The following PCDHGB5 variants were observed in gnomAD, a reference collection of about 807,000 sequenced individuals.
PCDHGB5 encodes the protein protocadherin gamma subfamily B, 5.
Under a neutral mutation model 62.9 loss-of-function variants are expected in PCDHGB5, and 48 were observed. That is an observed-to-expected ratio of 0.76 (90% confidence interval 0.61 to 0.97). The LOEUF (loss-of-function observed/expected upper bound fraction) is 0.97, where lower values mean the gene tolerates loss of function less well. PCDHGB5 is among the 50% of genes least tolerant of loss of function. The pLI is 0.00. For synonymous variants in PCDHGB5, 474 were observed against 511.2 expected (o/e 0.93, Z 0.98); for missense variants, 1,118 against 1,198.6 (o/e 0.93, Z 0.99).
At chr5:141,417,892 C>T (rs550343206) in intron 1 of PCDHGB5, 13 of 1,570,660 alleles carry the variant, frequency 8.3e-6, no homozygotes, top group African/African-American at 5.4e-5. Flanking sequence ...GGCGCCGGGC[C>T]GGCCCGCGGC....
intron 1 of PCDHGB5, among the ~76,000 whole-genome samples, chr5:141,406,577 A>T (rs558329088): frequency 6.6e-6 from 1 of 152,274 alleles, no homozygotes; most frequent in South Asian, 2.1e-4. Context: ...TAGTAAACCA[A>T]TTTTTTCCCT....
chr5:141,421,050 T>TACCACACAA, intron 1 of PCDHGB5: 1 of 561,278 alleles, frequency 1.8e-6, no homozygotes, highest in Non-Finnish European at 3.1e-6. Flanking sequence ...CCCCCGCCTC[T>TACCACACAA]ACCACACAAA....
intron 1 of PCDHGB5, chr5:141,426,679 T>A (rs1008777231): frequency 9.3e-6 from 4 of 431,308 alleles, no homozygotes; most frequent in African/African-American, 2.0e-5. Context: ...CCACCTCATT[T>A]TCCCCAAAAT....
At chr5:141,417,993 C>A in intron 1 of PCDHGB5, 1 of 1,613,830 alleles carries the variant, frequency 6.2e-7, no homozygotes, top group Non-Finnish European at 8.5e-7. Flanking sequence ...GCCAAGGGCT[C>A]GGTGGTGGGG....
chr5:141,423,141 G>C, intron 1 of PCDHGB5: 1 of 1,613,580 alleles, frequency 6.2e-7, no homozygotes, highest in Non-Finnish European at 8.5e-7. Flanking sequence ...ACAGAGACGC[G>C]CTCAAGCAGA....
intron 1 of PCDHGB5, among the ~76,000 whole-genome samples, chr5:141,437,987 C>T (rs2097922147): frequency 1.3e-5 from 2 of 152,156 alleles, no homozygotes; most frequent in African/African-American, 2.4e-5. Flanking sequence ...GCACCCACCC[C>T]ACCTCAGCCT....
rs756084003 is a variant in PCDHGB5 at position 141,398,612 on chromosome 5, T to C, written c.485T>C (p.Ile162Thr). The C allele has an allele frequency of 2.5e-6, 4 of 1,614,024 alleles. No homozygotes were observed. Among genetic ancestry groups the C allele is most frequent in the East Asian group, 2.2e-5 (1 of 44,888 alleles). ...CTAGAAGTAGCAGAAGATGCAGATA[T>C]TGGCTTAAACTCTCTGCAGAAGTAT... ...FILEVAEDADIGLNSLQKYKL... is the reference protein window; with the variant it reads ...FILEVAEDADTGLNSLQKYKL... Residue 162 changes from isoleucine (I) to threonine (T), a missense_variant, in exon 1 of 4, where the codon ATT becomes ACT. Around this residue, in one of 2 missense-constraint regions of PCDHGB5, gnomAD observed 1,034 missense variants for 1,029.1 expected, o/e 1.00. Transcript: ENST00000617380.
chr5:141,508,824 G>A (rs893436748), intron 3 of PCDHGB5, among the ~76,000 whole-genome samples: 9 of 151,952 alleles, frequency 5.9e-5, no homozygotes, highest in Admixed American at 3.3e-4. Flanking sequence ...CCAGATCTGG[G>A]CCCCCCTCCC....
intron 1 of PCDHGB5, among the ~76,000 whole-genome samples, chr5:141,402,286 C>T (rs2094248272): frequency 6.6e-6 from 1 of 151,638 alleles, no homozygotes; most frequent in Non-Finnish European, 1.5e-5. Flanking sequence ...ATAATCTATC[C>T]TTATATATGT....
At chr5:141,413,329 A>G (rs762420040) in intron 1 of PCDHGB5, 1 of 1,613,966 alleles carries the variant, frequency 6.2e-7, no homozygotes, top group Non-Finnish European at 8.5e-7. Context: ...CGTGGGCAAC[A>G]TCTCCAAGGA....
chr5:141,487,312 TAA>T lies in PCDHGB5; in HGVS notation c.2398-7494_2398-7493del, dbSNP rs1464336630. ...TTGGCTCATTCGTGGCACTACTCTC[TAA>T]GTGTCTTCGTGGGGCAGCCTGTGGA... On this transcript the variant is annotated intron_variant, in intron 1 of 3. Transcript: ENST00000617380. The surrounding 1 kb of genome is among the most constrained non-coding windows in gnomAD (Gnocchi z 5.0). 1 of 1,614,158 alleles carries T rather than the reference TAA, an allele frequency of 6.2e-7. No homozygotes were observed. Among genetic ancestry groups the T allele is most frequent in the African/African-American group, 1.3e-5 (1 of 75,056 alleles).
Position 141,423,758 on chromosome 5 carries a change from GGGT to G in PCDHGB5, c.2397+23237_2397+23239del, listed in dbSNP as rs776356896. The G allele has an allele frequency of 7.0e-4, 256 of 366,834 alleles. 2 individuals are homozygous for G. The highest frequency in any genetic ancestry group is 6.8e-3 in the African/African-American group (232 of 34,230). The allele number at this position is 366,834 out of a possible 1,614,324, so 22.7% of individuals were successfully genotyped here. A position where few individuals can be genotyped will look rare whatever the true frequency, so the allele number is the denominator to read the frequency against. ...CTGTTATGAAAACTGTTTGGGGGGG[GGGT>G]GGGGCGGCATATATTTAGTTCATAT... On this transcript the variant is annotated intron_variant, in intron 1 of 3. Coordinates refer to ENST00000617380, the MANE Select transcript of PCDHGB5 (RefSeq NM_018925.3).
intron 1 of PCDHGB5, among the ~76,000 whole-genome samples, chr5:141,448,016 G>A (rs903673535): frequency 6.6e-6 from 1 of 152,006 alleles, no homozygotes; most frequent in South Asian, 2.1e-4. Context: ...AACCCAGGAG[G>A]TGGAGGTTGC....
intron 1 of PCDHGB5, chr5:141,414,204 T>C (rs748616910): frequency 1.2e-6 from 2 of 1,612,266 alleles, no homozygotes; most frequent in East Asian, 2.2e-5. Flanking sequence ...CAGTAGAAGA[T>C]GTAAATGACA....
At chr5:141,501,569 G>A (rs1401631416) in intron 2 of PCDHGB5, among the ~76,000 whole-genome samples, 3 of 151,998 alleles carry the variant, frequency 2.0e-5, no homozygotes, top group African/African-American at 7.2e-5. Flanking sequence ...AATCATATTA[G>A]GCTGGCTTTC....
At chr5:141,455,634 G>T (rs1429708887) in intron 1 of PCDHGB5, among the ~76,000 whole-genome samples, 1 of 152,110 alleles carries the variant, frequency 6.6e-6, no homozygotes, top group African/African-American at 2.4e-5. Context: ...GAGATATGTG[G>T]GGGGCAGCCA....
At chr5:141,503,010 A>AT (rs199924715) in intron 2 of PCDHGB5, among the ~76,000 whole-genome samples, 26,593 of 146,658 alleles carry the variant, frequency 0.18, 2,532 homozygotes, top group Admixed American at 0.29. Context: ...TGCCCGGTTA[A>AT]TTTTTTTTTT....
At chr5:141,494,524 C>T (rs2099754936) in intron 1 of PCDHGB5, among the ~76,000 whole-genome samples, 1 of 152,156 alleles carries the variant, frequency 6.6e-6, no homozygotes, top group African/African-American at 2.4e-5. Flanking sequence ...GGAGTTCTGA[C>T]TCTGGGGGCA....
chr5:141,478,076 C>G (rs1486983629), intron 1 of PCDHGB5: 2 of 1,614,106 alleles, frequency 1.2e-6, no homozygotes, highest in Non-Finnish European at 1.7e-6. Context: ...CAATGGGGAG[C>G]CTTCGCTCTC....
Sources: allele counts gnomAD v4.1 joint callset (sites outside exome capture counted in the v4.1 genomes callset), GRCh38; gene constraint gnomAD v4.1.1; regional missense constraint gnomAD v4.1.1; non-coding constraint Gnocchi (gnomAD v3.1); transcripts MANE v1.5; gene names NCBI Gene and HGNC (gene_info 2026-07-23, HGNC 2026-07-21).